Variants in PPM1H observed in about 807,000 individuals in gnomAD.
PPM1H encodes the protein protein phosphatase, Mg2+/Mn2+ dependent 1H.
Under a neutral mutation model 54.9 loss-of-function variants are expected in PPM1H, and 27 were observed. That is an observed-to-expected ratio of 0.49 (90% CI 0.36 to 0.68). PPM1H has a LOEUF of 0.68. Among genes scored for constraint, PPM1H ranks in the 30% least tolerant of loss-of-function variants. The pLI is 0.00. For missense variants in PPM1H, 596 were observed against 667.8 expected, an observed-to-expected ratio of 0.89 and a Z score of 1.19; for synonymous variants, 305 against 270.8, an observed-to-expected ratio of 1.13 and a Z score of -1.24.
chr12:62,746,747 G>A (rs566275313), intron 4 of PPM1H, among the ~76,000 whole-genome samples: 1 of 152,272 alleles, frequency 6.6e-6, no homozygotes, highest in East Asian at 1.9e-4. Context: ...CCTTCTAGAT[G>A]GTCTCAGAAA....
intron 4 of PPM1H, among the ~76,000 whole-genome samples, chr12:62,738,985 C>G (rs1316550066): frequency 1.8e-4 from 17 of 92,038 alleles, no homozygotes; most frequent in African/African-American, 5.9e-4. Context: ...AGTGGGGGGT[C>G]GGGGCGGGGG....
chr12:62,812,344 A>G (rs920541665), intron 2 of PPM1H, among the ~76,000 whole-genome samples: 4 of 152,178 alleles, frequency 2.6e-5, no homozygotes, highest in Non-Finnish European at 5.9e-5. Flanking sequence ...AAAATTACTC[A>G]TATTCATTCT....
chr12:62,797,521 T>C (rs754082999), intron 3 of PPM1H, among the ~76,000 whole-genome samples: 2 of 152,320 alleles, frequency 1.3e-5, no homozygotes, highest in South Asian at 4.1e-4. Context: ...AGGAATGATC[T>C]GGAAAATTCA....
At chr12:62,929,407 T>A (rs755860237) in intron 1 of PPM1H, among the ~76,000 whole-genome samples, 2 of 152,196 alleles carry the variant, frequency 1.3e-5, no homozygotes, top group Non-Finnish European at 2.9e-5. Flanking sequence ...ATCACAGAAC[T>A]ATAAAGGCAC....
intron 3 of PPM1H, among the ~76,000 whole-genome samples, chr12:62,793,275 G>T (rs760582656): frequency 9.2e-5 from 14 of 152,174 alleles, no homozygotes; most frequent in Non-Finnish European, 1.3e-4. Flanking sequence ...ACCTTGCAGG[G>T]CAACTTTCTA....
chr12:62,861,734 C>G (rs1047761245), intron 1 of PPM1H, among the ~76,000 whole-genome samples: 1 of 152,142 alleles, frequency 6.6e-6, no homozygotes, highest in Non-Finnish European at 1.5e-5. Flanking sequence ...AGGGCATAGA[C>G]CCAAACATTT....
chr12:62,875,225 G>A (rs1342650862), intron 1 of PPM1H, among the ~76,000 whole-genome samples: 5 of 152,178 alleles, frequency 3.3e-5, no homozygotes, highest in Non-Finnish European at 5.9e-5. Flanking sequence ...AGGCAACAGG[G>A]ACATGGTTCT....
chr12:62,679,351 G>A (rs1414839783), intron 8 of PPM1H, among the ~76,000 whole-genome samples: 1 of 152,142 alleles, frequency 6.6e-6, no homozygotes, highest in Non-Finnish European at 1.5e-5. Context: ...GTTGGGGGAG[G>A]CAAATCGCCC....
chr12:62,721,952 C>G (rs952195427), intron 5 of PPM1H, among the ~76,000 whole-genome samples: 3 of 152,122 alleles, frequency 2.0e-5, no homozygotes, highest in Non-Finnish European at 4.4e-5. Context: ...CTGGACAACA[C>G]TGGCTACATC....
chr12:62,902,321 T>G (rs1871183142), intron 1 of PPM1H, among the ~76,000 whole-genome samples: 2 of 151,806 alleles, frequency 1.3e-5, no homozygotes, highest in Non-Finnish European at 2.9e-5. Flanking sequence ...ACCATTGCAC[T>G]GCAGCCTGGG....
intron 6 of PPM1H, among the ~76,000 whole-genome samples, chr12:62,709,665 C>G (rs1165517788): frequency 1.3e-5 from 2 of 152,228 alleles, no homozygotes; most frequent in Non-Finnish European, 2.9e-5. Context: ...TTTTGTATAA[C>G]TCTTATCTTT....
chr12:62,744,496 AT>A (rs1358707098), intron 4 of PPM1H, among the ~76,000 whole-genome samples: 1 of 151,882 alleles, frequency 6.6e-6, no homozygotes, highest in African/African-American at 2.4e-5. Context: ...AAGGAGTGAA[AT>A]TCTATTTTGT....
At chr12:62,863,942 G>A (rs75792259) in intron 1 of PPM1H, among the ~76,000 whole-genome samples, 9,634 of 152,242 alleles carry the variant, frequency 0.063, 850 homozygotes, top group African/African-American at 0.2. Flanking sequence ...TGAGACATAA[G>A]GATCTTTTCT....
At chr12:62,667,124 A>T (rs1198885915) in intron 9 of PPM1H, 54 bp downstream of exon 9, 1 of 1,481,354 alleles carries the variant, frequency 6.8e-7, no homozygotes. Context: ...AATTTCAGGC[A>T]TGTCATGGAA....
chr12:62,821,828 C>T (rs1377756735), intron 2 of PPM1H, among the ~76,000 whole-genome samples: 1 of 152,152 alleles, frequency 6.6e-6, no homozygotes, highest in Non-Finnish European at 1.5e-5. Flanking sequence ...TAAAGACCTT[C>T]GGTGCTAGGA....
At chr12:62,805,224 G>A (rs73130069) in intron 2 of PPM1H, among the ~76,000 whole-genome samples, 10,513 of 152,246 alleles carry the variant, frequency 0.069, 501 homozygotes, top group Middle Eastern at 0.11. Flanking sequence ...GTGTTAGTGA[G>A]GATGTGTAGA....
At chr12:62,929,125 C>T (rs1460292082) in intron 1 of PPM1H, among the ~76,000 whole-genome samples, 1 of 152,158 alleles carries the variant, frequency 6.6e-6, no homozygotes, top group African/African-American at 2.4e-5. Context: ...TGGTGCTGGT[C>T]CCTTTGAACC....
chr12:62,899,187 C>A (rs1555204631), intron 1 of PPM1H, among the ~76,000 whole-genome samples: 1 of 152,096 alleles, frequency 6.6e-6, no homozygotes, highest in Admixed American at 6.5e-5. Context: ...CTCCTAGGTG[C>A]ACTTTTGTAT....
chr12:62,865,917 A>G lies in PPM1H; in HGVS notation c.246-33638T>C, dbSNP rs147353140. 7.7e-3 allele frequency among the ~76,000 whole-genome samples: 1,179 copies of G among 152,326 alleles called. 45 individuals carry two copies. Among genetic ancestry groups the G allele is most frequent in the Admixed American group, 0.059 (906 of 15,302 alleles). On this transcript the variant is annotated intron_variant, in intron 1 of 9. Transcript: ENST00000228705. ...AAATTGTTCTTGACCAGTAGTAACC[A>G]CTTAATGCATAAGTAGCCACAGCGA...
Sources: gnomAD v4.1 joint callset for allele counts (sites outside exome capture counted in the v4.1 genomes callset) on GRCh38, gnomAD v4.1.1 for gene constraint, MANE v1.5 for transcripts, NCBI Gene and HGNC (gene_info 2026-07-23, HGNC 2026-07-21) for gene names.